SLC44A5: variants seen among roughly 807,000 people sequenced by gnomAD.
SLC44A5 encodes choline transporter-like protein 5.
In SLC44A5, 57 loss-of-function variants were observed where a neutral mutation model predicts 101.8. That is an observed-to-expected ratio of 0.56 (90% CI 0.45 to 0.70). SLC44A5 has a LOEUF of 0.70. SLC44A5 is among the 30% of genes least tolerant of loss of function. The pLI is 0.00. For synonymous variants in SLC44A5, 281 were observed against 290.9 expected (o/e 0.97, Z 0.35); for missense variants, 737 against 853.1 (o/e 0.86, Z 1.70).
At chr1:75,313,248 T>A (rs2100923817) in intron 4 of SLC44A5, among the ~76,000 whole-genome samples, 1 of 152,266 alleles carries the variant, frequency 6.6e-6, no homozygotes, top group South Asian at 2.1e-4. Context: ...GCCTCATGGG[T>A]TGAAATGGAT....
intron 5 of SLC44A5, among the ~76,000 whole-genome samples, chr1:75,289,563 A>G (rs531802744): frequency 6.6e-6 from 1 of 152,346 alleles, no homozygotes; most frequent in African/African-American, 2.4e-5. Flanking sequence ...CAAGAAAGTT[A>G]CATAAGAAGA....
chr1:75,501,073 A>G (rs1055868375), intron 2 of SLC44A5, among the ~76,000 whole-genome samples: 6 of 152,198 alleles, frequency 3.9e-5, no homozygotes, highest in Non-Finnish European at 8.8e-5. Context: ...TCGTATTTTC[A>G]GAGTACTAAA....
chr1:75,279,696 C>T (rs1652232618), intron 5 of SLC44A5, among the ~76,000 whole-genome samples: 1 of 151,872 alleles, frequency 6.6e-6, no homozygotes, highest in African/African-American at 2.4e-5. Context: ...TGTATAGTAT[C>T]CCCAAACAGT....
chr1:75,341,380 G>C (rs1657864653), intron 3 of SLC44A5, among the ~76,000 whole-genome samples: 1 of 152,114 alleles, frequency 6.6e-6, no homozygotes, highest in African/African-American at 2.4e-5. Context: ...TATTCCAAAG[G>C]CTGAGGCATG....
chr1:75,358,246 A>G lies in SLC44A5; in HGVS notation c.53-18616T>C, dbSNP rs546873542. ...AATACTTGAAATAATGTAAATCAAC[A>G]TACAGTGAATACATGGGGCACAGGG... On this transcript the variant is annotated intron_variant, in intron 3 of 23. Coordinates refer to ENST00000370859, the MANE Select transcript of SLC44A5 (RefSeq NM_001130058.2). 2.6e-5 allele frequency among the ~76,000 whole-genome samples: 4 copies of G among 152,308 alleles called. No homozygotes were observed. In the South Asian group the frequency reaches 8.3e-4, roughly 32 times the overall value.
upstream of SLC44A5, among the ~76,000 whole-genome samples, chr1:75,615,617 G>T (rs1399992960): frequency 6.6e-6 from 1 of 152,078 alleles, no homozygotes; most frequent in Non-Finnish European, 1.5e-5. Context: ...GGGTGAGAGA[G>T]GAGTCTCCAG....
chr1:75,633,661 T>G, the SLC44A5 span, among the ~76,000 whole-genome samples: 4 of 152,080 alleles, frequency 2.6e-5, no homozygotes, highest in African/African-American at 7.2e-5. Flanking sequence ...TCATGTCATC[T>G]GCAAACAGGG....
intron 3 of SLC44A5, among the ~76,000 whole-genome samples, chr1:75,367,642 C>T (rs530128158): frequency 2.6e-5 from 4 of 152,284 alleles, no homozygotes; most frequent in Admixed American, 2.6e-4. Flanking sequence ...GTTCCTCGTG[C>T]GTCCCTTGGT....
intron 7 of SLC44A5, 121 bp downstream of exon 7, chr1:75,251,089 A>G: frequency 1.4e-6 from 1 of 736,370 alleles, no homozygotes; most frequent in Non-Finnish European, 2.4e-6. Context: ...ATCGTCTAGA[A>G]ATTCATAATG....
intron 6 of SLC44A5, among the ~76,000 whole-genome samples, chr1:75,263,102 A>G (rs1650676819): frequency 6.6e-6 from 1 of 152,182 alleles, no homozygotes; most frequent in Non-Finnish European, 1.5e-5. Context: ...CATGAAAGCA[A>G]TGGCAACAAA....
the SLC44A5 span, among the ~76,000 whole-genome samples, chr1:75,700,143 G>C: frequency 2.0e-5 from 3 of 152,090 alleles, no homozygotes; most frequent in African/African-American, 7.2e-5. Flanking sequence ...ACTCAGCTCT[G>C]CACCAAGCAG....
chr1:75,697,019 A>G, the SLC44A5 span, among the ~76,000 whole-genome samples: 2 of 152,238 alleles, frequency 1.3e-5, no homozygotes, highest in African/African-American at 4.8e-5. Flanking sequence ...AATATTCTCT[A>G]TTTTGACTGT....
chr1:75,456,159 G>A lies in SLC44A5; in HGVS notation c.14-59538C>T, dbSNP rs148149174. The stretch of plus-strand genomic sequence containing the variant: ...CAAGGAAAATGGGTACATATATACC[G>A]TGGAATACTACAGTCATAAAAAGAA... On this transcript the variant is annotated intron_variant, in intron 2 of 23. Coordinates refer to ENST00000370859, the MANE Select transcript of SLC44A5 (RefSeq NM_001130058.2). Among the ~76,000 whole-genome samples the A allele has an allele frequency of 5.3e-3, 811 of 152,176 alleles. 1 individual carries two copies. Among genetic ancestry groups the A allele is most frequent in the Admixed American group, 9.4e-3 (143 of 15,278 alleles).
At chr1:75,601,388 TG>T (rs1335606466) in intron 1 of SLC44A5, among the ~76,000 whole-genome samples, 1 of 5,764 alleles carries the variant, frequency 1.7e-4, no homozygotes, top group Non-Finnish European at 3.6e-4. Flanking sequence ...GCTGGGGGGC[TG>T]GGGGGCTAGA....
intron 5 of SLC44A5, among the ~76,000 whole-genome samples, chr1:75,296,559 T>A (rs1653981433): frequency 6.6e-6 from 1 of 152,038 alleles, no homozygotes; most frequent in Non-Finnish European, 1.5e-5. Context: ...TTTAGCTAGA[T>A]CATTGAATTC....
chr1:75,367,540 CA>C (rs952475408), intron 3 of SLC44A5, among the ~76,000 whole-genome samples: 8 of 152,154 alleles, frequency 5.3e-5, no homozygotes, highest in Non-Finnish European at 7.4e-5. Flanking sequence ...GATCATGGCT[CA>C]GAGGACCTGG....
the SLC44A5 span, among the ~76,000 whole-genome samples, chr1:75,679,998 G>A: frequency 6.6e-6 from 1 of 152,102 alleles, no homozygotes; most frequent in Admixed American, 6.5e-5. Flanking sequence ...AACCAACAAA[G>A]ATCAAAGAGA....
chr1:75,698,875 A>G, the SLC44A5 span, among the ~76,000 whole-genome samples: 67 of 152,368 alleles, frequency 4.4e-4, no homozygotes, highest in Non-Finnish European at 8.4e-4. Flanking sequence ...TCAGGAGCCA[A>G]TGCTATCAAC....
At chr1:75,424,970 G>A (rs1418392687) in intron 2 of SLC44A5, among the ~76,000 whole-genome samples, 1 of 152,096 alleles carries the variant, frequency 6.6e-6, no homozygotes, top group Non-Finnish European at 1.5e-5. Flanking sequence ...CCCAACAATA[G>A]GAACACTTTG....
Sources: allele counts gnomAD v4.1 joint callset (sites outside exome capture counted in the v4.1 genomes callset), GRCh38; gene constraint gnomAD v4.1.1; transcripts MANE v1.5; gene names NCBI Gene and HGNC (gene_info 2026-07-23, HGNC 2026-07-21).